Variants in RHBDD3 observed in about 807,000 individuals in gnomAD.
RHBDD3 encodes the protein rhomboid domain containing 3.
RHBDD3 carries 34 observed loss-of-function variants against 32.3 expected under a neutral mutation model. That is an observed-to-expected ratio of 1.05 (90% CI 0.80 to 1.40). RHBDD3 has a LOEUF of 1.40. Ranked by LOEUF, RHBDD3 falls within the 40% of genes most tolerant of loss-of-function variation. RHBDD3 has a pLI of 0.00. For missense variants in RHBDD3, 482 were observed against 492.6 expected (o/e 0.98, Z 0.20); for synonymous variants, 249 against 239.1 (o/e 1.04, Z -0.38).
intron 2 of RHBDD3, among the ~76,000 whole-genome samples, chr22:29,266,807 C>G (rs911712393): frequency 1.3e-5 from 2 of 152,262 alleles, no homozygotes; most frequent in Admixed American, 6.5e-5. Flanking sequence ...CAAGCGCCTT[C>G]TCCACATCTA....
At chr22:29,261,288 C>T in intron 4 of RHBDD3, 2 of 479,440 alleles carry the variant, frequency 4.2e-6, no homozygotes, top group Non-Finnish European at 8.6e-6. Context: ...GCACTGTTTT[C>T]CCCGATAGGT....
rs1041025853 is a variant in RHBDD3 at position 29,267,959 on chromosome 22, C to T, written c.-406G>A. ...AGTCCGGGTCCCTTCCCCCAGCCCT[C>T]CCGCCGATCTCCGTCTCCCTGCAGG... On this transcript the variant is annotated 5_prime_UTR_variant, in exon 1 of 7. Transcript: ENST00000216085. 3 of 329,452 alleles carry T rather than the reference C, an allele frequency of 9.1e-6. No individual in the cohort carries two copies. Among genetic ancestry groups the T allele is most frequent in the Non-Finnish European group, 1.7e-5 (3 of 173,756 alleles). The allele number at this position is 329,452 out of a possible 1,614,324, so 20.4% of individuals were successfully genotyped here. A position where few individuals can be genotyped will look rare whatever the true frequency, so the allele number is the denominator to read the frequency against.
At chr22:29,263,318 C>T (rs956745032) in intron 4 of RHBDD3, among the ~76,000 whole-genome samples, 2 of 152,182 alleles carry the variant, frequency 1.3e-5, no homozygotes, top group Non-Finnish European at 2.9e-5. Context: ...GTTGGGATTA[C>T]AGGCATGAGC....
chr22:29,264,444 G>A (rs1275490247), intron 3 of RHBDD3: 2 of 1,327,180 alleles, frequency 1.5e-6, no homozygotes, highest in African/African-American at 1.5e-5. Flanking sequence ...GAATACACTG[G>A]ACGTGCCACT....
chr22:29,262,249 C>T (rs2058129099), intron 4 of RHBDD3, among the ~76,000 whole-genome samples: 1 of 148,894 alleles, frequency 6.7e-6, no homozygotes, highest in Non-Finnish European at 1.5e-5. Flanking sequence ...AGCAATTCTC[C>T]TGCCTCAGCC....
chr22:29,263,187 G>C lies in RHBDD3; in HGVS notation c.532+648C>G, dbSNP rs576927793. ...AGTCTCCTAAGTAGCTGGGATTACA[G>C]GTGCACGCCACCACGCCCAGCTAAT... is the stretch of plus-strand genomic sequence containing the variant. On this transcript the variant is annotated intron_variant, in intron 4 of 6. Coordinates refer to ENST00000216085, the MANE Select transcript of RHBDD3 (RefSeq NM_012265.3). Among the ~76,000 whole-genome samples the C allele has an allele frequency of 6.3e-4, 96 of 152,352 alleles. 1 individual carries two copies. In the South Asian group the frequency reaches 0.017, roughly 28 times the overall value.
chr22:29,265,020 C>A (rs1054652078), intron 3 of RHBDD3: 11 of 152,654 alleles, frequency 7.2e-5, no homozygotes, highest in African/African-American at 2.4e-4. Context: ...CCTCGTGATC[C>A]GCCCGCCTCG....
At position 29,260,411 on chromosome 22, in the gene RHBDD3, C is replaced by T; in HGVS notation, c.898G>A (p.Gly300Ser). The T allele has an allele frequency of 6.2e-7, 1 of 1,612,332 alleles. No individual in the cohort carries two copies. Among genetic ancestry groups the T allele is most frequent in the Non-Finnish European group, 8.5e-7 (1 of 1,179,638 alleles). ...AALDEQMLQE[G>S]IQASLLDGPA... ...CCGTCAAGAAGCGAGGCCTGGATGC[C>T]CTCCTGCAGCATCTGCTCATCCAAG... is the stretch of plus-strand genomic sequence containing the variant. Residue 300 changes from glycine (G) to serine (S), a missense_variant, in exon 6 of 7, where the codon GGC (glycine) becomes AGC (serine). Gly to Ser is a moderately conservative substitution (Grantham distance 56, BLOSUM62 0). Transcript: ENST00000216085.
chr22:29,265,462 A>C lies in RHBDD3; in HGVS notation c.148+17T>G. On this transcript the variant is annotated intron_variant, in intron 3 of 6. Coordinates refer to ENST00000216085, the MANE Select transcript of RHBDD3 (RefSeq NM_012265.3). ...AAGTCTCCTGCTTCCTCCAAGGTCC[A>C]CGTGGCTGGCCCTCACCCTGCCAGG... 6.6e-7 allele frequency: 1 copy of C among 1,507,204 alleles called. No homozygotes were observed. Among genetic ancestry groups the C allele is most frequent in the Non-Finnish European group, 8.8e-7 (1 of 1,133,688 alleles). 93.4% of individuals were successfully genotyped at this position (1,507,204 alleles called of 1,614,324 possible). A position where few individuals can be genotyped will look rare whatever the true frequency, so the allele number is the denominator to read the frequency against.
rs1446100794 is a variant in RHBDD3 at position 29,264,129 on chromosome 22, G to A, written c.238C>T (p.Gln80Ter). The change falls in exon 4 of 7, where the codon CAG (glutamine) becomes TAG (stop). Residue 80 changes from glutamine to a stop codon, truncating the protein, a stop_gained. Transcript: ENST00000216085. LOFTEE classifies it high-confidence loss of function. The part of the protein sequence containing the change: ...LLLLPTVGWQ[Q>*]ECHLGTLRFL... ...CTCAGCGTGCCCAGGTGGCACTCCT[G>A]CTGCCAGCCCACAGTGGGCAGGAGC... The A allele has an allele frequency of 6.3e-6, 10 of 1,584,500 alleles. No individual in the cohort carries two copies. Among genetic ancestry groups the A allele is most frequent in the Non-Finnish European group, 8.6e-6 (10 of 1,166,738 alleles).
rs925744422 is a variant in RHBDD3 at position 29,263,989 on chromosome 22, C to G, written c.378G>C (p.Leu126=). 6.4e-7 allele frequency: 1 copy of G among 1,552,112 alleles called. No homozygotes were observed. Among genetic ancestry groups the G allele is most frequent in the Non-Finnish European group, 8.7e-7 (1 of 1,147,796 alleles). Residue 126 remains leucine (L), a synonymous_variant, in exon 4 of 7, where the codon CTG becomes CTC. Coordinates refer to ENST00000216085, the MANE Select transcript of RHBDD3 (RefSeq NM_012265.3). Reference sequence around the variant, plus strand: ...GGTGTCCCTCCCCAGCCAGCATGGCCAGGTGGACAGGCATGTATCCACAGC... The same window carrying G: ...GGTGTCCCTCCCCAGCCAGCATGGCGAGGTGGACAGGCATGTATCCACAGC... ...AGSCGYMPVH[L]AMLAGEGHRP...
rs779114266 is a variant in RHBDD3, at chr22:29,260,776, C to A, written c.621G>T (p.Gly207=). 2.5e-6 allele frequency: 4 copies of A among 1,605,014 alleles called. No homozygotes were observed. Among genetic ancestry groups the A allele is most frequent in the African/African-American group, 1.3e-5 (1 of 74,822 alleles). The change falls in exon 5 of 7, where the codon GGG becomes GGT. Residue 207 remains glycine (G), a synonymous_variant. Transcript: ENST00000216085. ...TGGCAAGGAGCCTCAGGGGCCAGCA[C>A]CCCGCCAAGGTCCTGCACAAGACGC... The part of the protein sequence containing the change: ...QEGVLCRTLA[G]CWPLRLLATP...
rs931487792 is a variant in RHBDD3, at chr22:29,260,201, C to A, written c.1020G>T (p.Glu340Asp). 9 of 1,596,664 alleles carry A rather than the reference C, an allele frequency of 5.6e-6. No homozygotes were observed. In the Admixed American group the frequency reaches 1.2e-4, roughly 22 times the overall value. The change falls in exon 7 of 7, where the codon GAG (glutamate) becomes GAT (aspartate). Residue 340 changes from glutamate (E) to aspartate (D), a missense_variant. Transcript: ENST00000216085. ...TGGCTGCCAGTGCCACCACCGCCTG[C>A]TCCGTAGGGAAGCCCATGCGCTCCA... ...QQLERMGFPT[E>D]QAVVALAATG...
At chr22:29,264,360 G>T in intron 3 of RHBDD3, 142 bp from the exon 4 acceptor site, 1 of 1,431,856 alleles carries the variant, frequency 7.0e-7, no homozygotes, top group Non-Finnish European at 9.2e-7. Flanking sequence ...TCTTCCCACA[G>T]CCAGCACTTA....
intron 2 of RHBDD3, among the ~76,000 whole-genome samples, chr22:29,266,831 G>C (rs556511707): frequency 6.6e-6 from 1 of 152,214 alleles, no homozygotes; most frequent in African/African-American, 2.4e-5. Flanking sequence ...GTTTCCTGCA[G>C]GAAAAATGTG....
rs771116197 is a variant in RHBDD3 at position 29,260,187 on chromosome 22, GCCA to G, written c.1031_1033del (p.Val344del). On this transcript the variant is annotated inframe_deletion, in exon 7 of 7. Coordinates refer to ENST00000216085, the MANE Select transcript of RHBDD3 (RefSeq NM_012265.3). The stretch of plus-strand genomic sequence containing the variant: ...CTCCACACGGCCTGTGGCTGCCAGT[GCCA>G]CCACCGCCTGCTCCGTAGGGAAGCC... 2 of 1,592,028 alleles carry G rather than the reference GCCA, an allele frequency of 1.3e-6. No homozygotes were observed. Among genetic ancestry groups the G allele is most frequent in the Admixed American group, 3.5e-5 (2 of 56,604 alleles).
chr22:29,263,830 G>A lies in RHBDD3; in HGVS notation c.532+5C>T, dbSNP rs1261257661. 5.3e-6 allele frequency: 8 copies of A among 1,517,812 alleles called. No homozygotes were observed. Among genetic ancestry groups the A allele is most frequent in the South Asian group, 1.3e-5 (1 of 79,728 alleles). 94.0% of individuals were successfully genotyped at this position (1,517,812 alleles called of 1,614,324 possible). On this transcript the variant is annotated splice_donor_5th_base_variant and intron_variant, in intron 4 of 6. Coordinates refer to ENST00000216085, the MANE Select transcript of RHBDD3 (RefSeq NM_012265.3). ...CCACGGGCCCTGGGCTCAGGCAAAGGATACAGGCCAGGCCGGCAAGGAGGC... is the reference window on the plus strand; with the variant it reads ...CCACGGGCCCTGGGCTCAGGCAAAGAATACAGGCCAGGCCGGCAAGGAGGC...
At chr22:29,262,111 A>G (rs1351885811) in intron 4 of RHBDD3, 2 of 150,670 alleles carry the variant, frequency 1.3e-5, no homozygotes, top group Admixed American at 6.6e-5. Flanking sequence ...CAGTACCACA[A>G]TATCTTGATT....
upstream of RHBDD3, chr22:29,268,013 C>A: frequency 2.2e-6 from 1 of 455,380 alleles, no homozygotes; most frequent in South Asian, 2.8e-5. Context: ...GTCCCTAGAG[C>A]CAGCGGACGG....
Sources: allele counts gnomAD v4.1 joint callset (sites outside exome capture counted in the v4.1 genomes callset), GRCh38; gene constraint gnomAD v4.1.1; transcripts MANE v1.5; gene names NCBI Gene and HGNC (gene_info 2026-07-23, HGNC 2026-07-21).